Variants in SUCLG2 observed in about 807,000 individuals in gnomAD.
The protein encoded by SUCLG2 is succinate--CoA ligase [GDP-forming] subunit beta, mitochondrial.
SUCLG2 carries 42 observed loss-of-function variants against 47.9 expected under a neutral mutation model. The observed-to-expected ratio is 0.88, with a 90% CI of 0.69 to 1.14. The LOEUF (loss-of-function observed/expected upper bound fraction) is 1.14. SUCLG2 is among the 50% of genes most tolerant of loss of function. The pLI is 0.00. For synonymous variants in SUCLG2, 195 were observed against 197.3 expected (o/e 0.99, Z 0.10); for missense variants, 571 against 525.9 (o/e 1.09, Z -0.84).
chr3:67,520,558 G>A lies in SUCLG2; in HGVS notation c.494C>T (p.Pro165Leu). Reference protein sequence around the residue: ...AILMDRSCNGPVLVGSPQGGV... With the variant: ...AILMDRSCNGLVLVGSPQGGV... ...CCCCTGGGGGCTGCCCACCAGCACG[G>A]GGCCATTGCAGGACCGGTCCATCAG... The change falls in exon 5 of 11, where the codon CCC (proline) becomes CTC (leucine). Residue 165 changes from proline (P) to leucine (L), a missense_variant. Pro to Leu is a moderately conservative substitution (Grantham distance 98). Coordinates refer to ENST00000307227, the MANE Select transcript of SUCLG2 (RefSeq NM_003848.4). 1 of 1,614,180 alleles carries A rather than the reference G, an allele frequency of 6.2e-7. No individual in the cohort carries two copies. The highest frequency in any genetic ancestry group is 2.2e-5 in the East Asian group (1 of 44,878).
At chr3:67,607,674 A>T (rs1316871819) in intron 2 of SUCLG2, among the ~76,000 whole-genome samples, 2 of 152,106 alleles carry the variant, frequency 1.3e-5, no homozygotes, top group African/African-American at 4.8e-5. Flanking sequence ...GGCTGTCCCC[A>T]CCCAAATCTC....
At chr3:67,553,109 T>C (rs1416930858) in intron 2 of SUCLG2, among the ~76,000 whole-genome samples, 1 of 152,222 alleles carries the variant, frequency 6.6e-6, no homozygotes, top group Non-Finnish European at 1.5e-5. Context: ...TGGATATGAA[T>C]GTTATCTTGC....
At chr3:67,452,336 A>G (rs115298081) in intron 9 of SUCLG2, among the ~76,000 whole-genome samples, 3 of 152,126 alleles carry the variant, frequency 2.0e-5, no homozygotes, top group Non-Finnish European at 4.4e-5. Context: ...AGTATTTTCC[A>G]TGTGTGGCCA....
intron 10 of SUCLG2, among the ~76,000 whole-genome samples, chr3:67,367,402 T>G (rs1308396175): frequency 6.6e-6 from 1 of 152,212 alleles, no homozygotes; most frequent in African/African-American, 2.4e-5. Context: ...GTAAAAGCAT[T>G]TGTATCTTTT....
intron 2 of SUCLG2, among the ~76,000 whole-genome samples, chr3:67,541,891 G>A (rs955507302): frequency 1.1e-4 from 17 of 150,298 alleles, no homozygotes; most frequent in African/African-American, 3.2e-4. Flanking sequence ...TTTTTGAGAC[G>A]GAGTTTTGCT....
intron 9 of SUCLG2, among the ~76,000 whole-genome samples, chr3:67,440,213 T>C (rs1347803028): frequency 6.6e-6 from 1 of 152,122 alleles, no homozygotes; most frequent in African/African-American, 2.4e-5. Flanking sequence ...TTCCTTACAC[T>C]TTATGCAAAA....
intron 9 of SUCLG2, among the ~76,000 whole-genome samples, chr3:67,461,765 G>A (rs901888378): frequency 6.6e-6 from 1 of 152,072 alleles, no homozygotes; most frequent in African/African-American, 2.4e-5. Flanking sequence ...TGTCCCCTGG[G>A]AGGTAGCATG....
intron 10 of SUCLG2, chr3:67,376,293 C>A (rs778678952): frequency 2.0e-6 from 2 of 985,276 alleles, no homozygotes; most frequent in African/African-American, 3.5e-5. Flanking sequence ...GAGACTCTGG[C>A]GCATCCAGCA....
At chr3:67,606,574 G>T (rs1033807891) in intron 2 of SUCLG2, among the ~76,000 whole-genome samples, 15 of 152,130 alleles carry the variant, frequency 9.9e-5, no homozygotes, top group Non-Finnish European at 7.4e-5. Context: ...CTTATGAAAA[G>T]GCTGGAATAC....
intron 5 of SUCLG2, 105 bp from the exon 6 acceptor site, chr3:67,518,441 T>G: frequency 9.6e-7 from 1 of 1,045,182 alleles, no homozygotes; most frequent in East Asian, 2.6e-5. Context: ...GTAATTAAAG[T>G]GTGGCATCTA....
At chr3:67,399,182 TAA>T (rs150131579) in intron 10 of SUCLG2, among the ~76,000 whole-genome samples, 4 of 150,428 alleles carry the variant, frequency 2.7e-5, no homozygotes, top group African/African-American at 9.8e-5. Flanking sequence ...AATAATAAAA[TAA>T]AAAAAAAGAA....
At chr3:67,494,296 C>T (rs924492875) in intron 9 of SUCLG2, among the ~76,000 whole-genome samples, 5 of 152,134 alleles carry the variant, frequency 3.3e-5, no homozygotes, top group African/African-American at 1.2e-4. Flanking sequence ...TAGTAACCAA[C>T]TCAATATATT....
chr3:67,562,114 C>T (rs1707323770), intron 2 of SUCLG2, among the ~76,000 whole-genome samples: 2 of 152,116 alleles, frequency 1.3e-5, no homozygotes, highest in South Asian at 4.1e-4. Flanking sequence ...TACTTAAAGA[C>T]ATCAATTGAC....
intron 9 of SUCLG2, among the ~76,000 whole-genome samples, chr3:67,435,570 G>C (rs1703598380): frequency 6.6e-6 from 1 of 152,162 alleles, no homozygotes; most frequent in South Asian, 2.1e-4. Flanking sequence ...GAATGTACAT[G>C]CATCATCTTA....
chr3:67,647,801 T>C (rs781715927), intron 1 of SUCLG2, among the ~76,000 whole-genome samples: 1 of 152,172 alleles, frequency 6.6e-6, no homozygotes, highest in Non-Finnish European at 1.5e-5. Flanking sequence ...GGGAGGCAGA[T>C]CTTCACCCCT....
intron 9 of SUCLG2, among the ~76,000 whole-genome samples, chr3:67,461,184 T>C (rs1018687218): frequency 6.6e-6 from 1 of 152,166 alleles, no homozygotes; most frequent in Non-Finnish European, 1.5e-5. Context: ...AGCTCTGAGA[T>C]AAAGAAAACT....
intron 10 of SUCLG2, among the ~76,000 whole-genome samples, chr3:67,391,285 T>C (rs1351384885): frequency 1.3e-5 from 2 of 152,170 alleles, no homozygotes; most frequent in South Asian, 2.1e-4. Flanking sequence ...CACTTTCTTA[T>C]CCTTGATTCT....
chr3:67,590,001 T>C (rs1708117130), intron 2 of SUCLG2, among the ~76,000 whole-genome samples: 1 of 152,162 alleles, frequency 6.6e-6, no homozygotes, highest in South Asian at 2.1e-4. Context: ...TATATATGCA[T>C]TTATGAAATT....
intron 5 of SUCLG2, among the ~76,000 whole-genome samples, chr3:67,519,899 T>C (rs541183131): frequency 2.2e-4 from 33 of 152,316 alleles, no homozygotes; most frequent in African/African-American, 7.9e-4. Context: ...TTTGGAGACT[T>C]TGAGAAACTT....
Sources: gnomAD v4.1 joint callset for allele counts (sites outside exome capture counted in the v4.1 genomes callset) on GRCh38, gnomAD v4.1.1 for gene constraint, MANE v1.5 for transcripts, NCBI Gene and HGNC (gene_info 2026-07-23, HGNC 2026-07-21) for gene names.